ANKRD16: variants seen among roughly 807,000 people sequenced by gnomAD.
ANKRD16 encodes ankyrin repeat domain 16.
In ANKRD16, 35 loss-of-function variants were observed where a neutral mutation model predicts 37.9. The observed-to-expected ratio is 0.92, with a 90% CI of 0.71 to 1.23. The LOEUF (loss-of-function observed/expected upper bound fraction) is 1.23, where lower values mean the gene tolerates loss of function less well. Ranked by LOEUF, ANKRD16 falls within the 50% of genes most tolerant of loss-of-function variation. ANKRD16 has a pLI of 0.00. For synonymous variants in ANKRD16, 206 were observed against 197.2 expected (o/e 1.04, Z -0.37); for missense variants, 480 against 469.9 (o/e 1.02, Z -0.20).
chr10:5,872,702 G>C (rs532574520), intron 7 of ANKRD16, among the ~76,000 whole-genome samples: 1 of 150,262 alleles, frequency 6.7e-6, no homozygotes, highest in Admixed American at 6.7e-5. Flanking sequence ...GACTACAGGC[G>C]CCCGCCACCA....
rs146539188 is a variant in ANKRD16, at chr10:5,866,723, G to A, written c.*34-4032C>T. On this transcript the variant is annotated intron_variant, in intron 7 of 7. Transcript: ENST00000380094. This position sits in a 1 kb window ranked among gnomAD's most constrained non-coding sequence, Gnocchi z 4.3. ...GGGAAGGAGAGGGGAGAACAGCAGC[G>A]TAAGTGGCTGGCAGAGGCAGGGAAA... is the stretch of plus-strand genomic sequence containing the variant. Among the ~76,000 whole-genome samples, 3,978 of 152,238 alleles carry A rather than the reference G, an allele frequency of 0.026. 164 individuals are homozygous for A. Among genetic ancestry groups the A allele is most frequent in the African/African-American group, 0.09 (3,733 of 41,510 alleles).
At chr10:5,879,416 C>A (rs1261246535) in intron 6 of ANKRD16, among the ~76,000 whole-genome samples, 1 of 151,052 alleles carries the variant, frequency 6.6e-6, no homozygotes, top group Non-Finnish European at 1.5e-5. Context: ...TGCAGTGAGC[C>A]AAGATCGTGC....
intron 7 of ANKRD16, among the ~76,000 whole-genome samples, chr10:5,867,988 T>C (rs895137516): frequency 1.1e-4 from 17 of 152,194 alleles, no homozygotes; most frequent in Non-Finnish European, 8.8e-5. Flanking sequence ...TAGTACGAGA[T>C]GCCGCCTGGC....
In ANKRD16 at chr10:5,866,506, G is replaced by T. The variant is rs1051906553; in HGVS notation, c.*34-3815C>A. ...GAGCCTTAGAACTGGGAAAGGAAAGGAGAATAAATGTGTATACAGATAGCA... is the reference window on the plus strand; with the variant it reads ...GAGCCTTAGAACTGGGAAAGGAAAGTAGAATAAATGTGTATACAGATAGCA... On this transcript the variant is annotated intron_variant, in intron 7 of 7. Coordinates refer to ENST00000380094, the MANE Select transcript of ANKRD16 (RefSeq NM_019046.3). The surrounding 1 kb of genome is among the most constrained non-coding windows in gnomAD (Gnocchi z 4.3). Among the ~76,000 whole-genome samples the T allele has an allele frequency of 2.0e-5, 3 of 152,234 alleles. No individual in the cohort carries two copies. The highest frequency in any genetic ancestry group is 1.3e-4 in the Admixed American group (2 of 15,282).
In ANKRD16 at chr10:5,882,932, G is replaced by A; in HGVS notation, c.849+74C>T. 4.6e-6 allele frequency: 7 copies of A among 1,511,992 alleles called. No homozygotes were observed. In the South Asian group the frequency reaches 8.6e-5, roughly 19 times the overall value. 93.7% of individuals were successfully genotyped at this position (1,511,992 alleles called of 1,614,324 possible). The stretch of plus-strand genomic sequence containing the variant: ...ATAGAGATGGGGTCAAAGAAACCAG[G>A]CTGCAGAGCTACTGATCAAAGAAGT... On this transcript the variant is annotated intron_variant, in intron 5 of 7. Transcript: ENST00000380094.
chr10:5,883,101 C>T lies in ANKRD16; in HGVS notation c.754G>A (p.Asp252Asn). 2.5e-6 allele frequency: 4 copies of T among 1,614,126 alleles called. No individual in the cohort carries two copies. The highest frequency in any genetic ancestry group is 3.4e-6 in the Non-Finnish European group (4 of 1,180,026). ...GAGACCAAGAATCGGATGGCTTCGT[C>T]CTGCCCTGTGACAGCTGCCCTGTGC... The part of the protein sequence containing the change: ...ALHRAAVTGQ[D>N]EAIRFLVSEL... The change falls in exon 5 of 8, where the codon GAC (aspartate) becomes AAC (asparagine). Residue 252 changes from aspartate to asparagine, a missense_variant. Asp to Asn is a conservative substitution (Grantham distance 23). Coordinates refer to ENST00000380094, the MANE Select transcript of ANKRD16 (RefSeq NM_019046.3).
Position 5,887,856 on chromosome 10 carries a change from G to T in ANKRD16, c.526C>A (p.His176Asn). 9 of 1,613,274 alleles carry T rather than the reference G, an allele frequency of 5.6e-6. No homozygotes were observed. The highest frequency in any genetic ancestry group is 7.6e-6 in the Non-Finnish European group (9 of 1,179,848). ...GAGCTGTAGGCTGTACCTGCAGTATGCAGAGGAGTCCTTCTAATTTTGCTC... is the reference window on the plus strand; with the variant it reads ...GAGCTGTAGGCTGTACCTGCAGTATTCAGAGGAGTCCTTCTAATTTTGCTC... ...TESKIRRTPL[H>N]TAAMHGHLEA... Residue 176 changes from histidine (H) to asparagine (N), a missense_variant, in exon 2 of 8, where the codon CAT (histidine) becomes AAT (asparagine). Transcript: ENST00000380094.
chr10:5,887,091 G>C (rs1421485499), intron 2 of ANKRD16, among the ~76,000 whole-genome samples: 1 of 152,154 alleles, frequency 6.6e-6, no homozygotes, highest in Non-Finnish European at 1.5e-5. Flanking sequence ...TATGTGCCAA[G>C]CATTGTCTAA....
chr10:5,870,286 G>C lies in ANKRD16; in HGVS notation c.*34-7595C>G, dbSNP rs1842067151. ...GAGGCCCCCAGTGCACCTGCGCAGT[G>C]AGGTCAGCTTCGCAGGGGCCCCCAG... is the stretch of plus-strand genomic sequence containing the variant. On this transcript the variant is annotated intron_variant, in intron 7 of 7. Coordinates refer to ENST00000380094, the MANE Select transcript of ANKRD16 (RefSeq NM_019046.3). This position sits in a 1 kb window ranked among gnomAD's most constrained non-coding sequence, Gnocchi z 5.0. Among the ~76,000 whole-genome samples, 1 of 151,966 alleles carries C rather than the reference G, an allele frequency of 6.6e-6. No individual in the cohort carries two copies. The highest frequency in any genetic ancestry group is 1.5e-5 in the Non-Finnish European group (1 of 68,000).
In ANKRD16 at chr10:5,883,987, C is replaced by T. The variant is rs1842366855; in HGVS notation, c.669G>A (p.Leu223=). 1 of 1,613,938 alleles carries T rather than the reference C, an allele frequency of 6.2e-7. No homozygotes were observed. Among genetic ancestry groups the T allele is most frequent in the African/African-American group, 1.3e-5 (1 of 75,050 alleles). The part of the protein sequence containing the change: ...IQCGHIDVAR[L]LLDEHGACLS... ...TTTATACCCCATGTTCATCGAGGAG[C>T]AGCCTAGCGACGTCGATGTGCCCAC... The change falls in exon 4 of 8, where the codon CTG becomes CTA. Residue 223 remains leucine (L), a synonymous_variant. Transcript: ENST00000380094.
intron 7 of ANKRD16, among the ~76,000 whole-genome samples, chr10:5,867,556 TAAG>T (rs958865069): frequency 6.6e-6 from 1 of 152,196 alleles, no homozygotes; most frequent in African/African-American, 2.4e-5. Context: ...CCCAAACTTA[TAAG>T]GTTTTCAACA....
chr10:5,865,563 C>T lies in ANKRD16; in HGVS notation c.*34-2872G>A, dbSNP rs140555964. Among the ~76,000 whole-genome samples the T allele has an allele frequency of 1.8e-3, 272 of 152,334 alleles. No individual in the cohort carries two copies. The highest frequency in any genetic ancestry group is 6.2e-3 in the African/African-American group (258 of 41,574). Reference sequence around the variant, plus strand: ...CTCAGTGTTAATCTCCTGTCCCAGACAGCTGTCCTCAAGGTCTGTTACCAT... The same window carrying T: ...CTCAGTGTTAATCTCCTGTCCCAGATAGCTGTCCTCAAGGTCTGTTACCAT... On this transcript the variant is annotated intron_variant, in intron 7 of 7. Coordinates refer to ENST00000380094, the MANE Select transcript of ANKRD16 (RefSeq NM_019046.3). This position sits in a 1 kb window ranked among gnomAD's most constrained non-coding sequence, Gnocchi z 4.7.
At position 5,862,349 on chromosome 10, in the gene ANKRD16, A is replaced by G; in HGVS notation, c.*376T>C. The G allele has an allele frequency of 2.3e-6, 1 of 433,372 alleles. No individual in the cohort carries two copies. Among genetic ancestry groups the G allele is most frequent in the South Asian group, 1.6e-5 (1 of 61,000 alleles). 26.8% of individuals were successfully genotyped at this position (433,372 alleles called of 1,614,324 possible). Reference sequence around the variant, plus strand: ...TCTTTCTTTCTGTCGGTGGTTCCTGAGGGTTGTGACGATCAGGGCAGAGGC... The same window carrying G: ...TCTTTCTTTCTGTCGGTGGTTCCTGGGGGTTGTGACGATCAGGGCAGAGGC... On this transcript the variant is annotated 3_prime_UTR_variant, in exon 8 of 8. Transcript: ENST00000380094. The surrounding 1 kb of genome is among the most constrained non-coding windows in gnomAD (Gnocchi z 6.5).
rs1262785261 is a variant in ANKRD16, at chr10:5,864,496, T to C, written c.*34-1805A>G. ...ATATATCCTGATAGGTATATAGATG[T>C]CCCACAGGGTCCAGGGCAAACCTTC... On this transcript the variant is annotated intron_variant, in intron 7 of 7. Transcript: ENST00000380094. This position sits in a 1 kb window ranked among gnomAD's most constrained non-coding sequence, Gnocchi z 4.4. Among the ~76,000 whole-genome samples, 1 of 152,118 alleles carries C rather than the reference T, an allele frequency of 6.6e-6. No individual in the cohort carries two copies. Among genetic ancestry groups the C allele is most frequent in the Admixed American group, 6.5e-5 (1 of 15,270 alleles).
Position 5,885,746 on chromosome 10 carries a change from C to T in ANKRD16, c.555G>A (p.Glu185=). 2 of 1,606,656 alleles carry T rather than the reference C, an allele frequency of 1.2e-6. No homozygotes were observed. The highest frequency in any genetic ancestry group is 1.1e-5 in the South Asian group (1 of 88,828). Residue 185 remains glutamate, a synonymous_variant, in exon 3 of 8, where the codon GAG becomes GAA. Coordinates refer to ENST00000380094, the MANE Select transcript of ANKRD16 (RefSeq NM_019046.3). ...LHTAAMHGHL[E]AVKVLLKRCQ... ...ACCTCTTAAGAAGCACCTTGACTGC[C>T]TCCAAATGGCCATGCATTGCTGGGA...
rs1283111640 is a variant in ANKRD16 at position 5,871,714 on chromosome 10, AC to A, written c.*33+6382del. On this transcript the variant is annotated intron_variant, in intron 7 of 7. Transcript: ENST00000380094. This position sits in a 1 kb window ranked among gnomAD's most constrained non-coding sequence, Gnocchi z 4.5. The stretch of plus-strand genomic sequence containing the variant: ...AAGGGCTTCTAAGCCTACTTCCCAC[AC>A]CTTCCGAAGAGCCTTATCCCACAGA... Among the ~76,000 whole-genome samples the A allele has an allele frequency of 6.6e-6, 1 of 151,596 alleles. No individual in the cohort carries two copies. The highest frequency in any genetic ancestry group is 6.6e-5 in the Admixed American group (1 of 15,222).
At chr10:5,888,421 G>A (rs1264862007) in intron 1 of ANKRD16, among the ~76,000 whole-genome samples, 1 of 152,202 alleles carries the variant, frequency 6.6e-6, no homozygotes, top group African/African-American at 2.4e-5. Flanking sequence ...CCCCAGTGGG[G>A]AAGATGTACT....
rs71388490 is a variant in ANKRD16, at chr10:5,861,897, CTTTTTTTTTTTT to C, written c.*816_*827del. 4 of 129,958 alleles carry C rather than the reference CTTTTTTTTTTTT, an allele frequency of 3.1e-5. No individual in the cohort carries two copies. Among genetic ancestry groups the C allele is most frequent in the Admixed American group, 7.9e-5 (1 of 12,632 alleles). The allele number at this position is 129,958 out of a possible 1,614,324, so 8.1% of individuals were successfully genotyped here. ...ACAGACTGGGCAGGCCCCAGGAATT[CTTTTTTTTTTTT>C]TTTTTTTTTGGAGACGGAGTCTTGC... On this transcript the variant is annotated 3_prime_UTR_variant, in exon 8 of 8. Transcript: ENST00000380094.
rs1841989017 is a variant in ANKRD16, at chr10:5,864,625, A to G, written c.*34-1934T>C. 6.6e-6 allele frequency among the ~76,000 whole-genome samples: 1 copy of G among 152,128 alleles called. No individual in the cohort carries two copies. Among genetic ancestry groups the G allele is most frequent in the African/African-American group, 2.4e-5 (1 of 41,386 alleles). ...GCCCGAGAGTTTGGAGATACCTGGA[A>G]TCTTAGTCAAGTAAATGACAGAATG... On this transcript the variant is annotated intron_variant, in intron 7 of 7. Transcript: ENST00000380094. The surrounding 1 kb of genome is among the most constrained non-coding windows in gnomAD (Gnocchi z 4.4).
Sources: allele counts gnomAD v4.1 joint callset (sites outside exome capture counted in the v4.1 genomes callset), GRCh38; gene constraint gnomAD v4.1.1; non-coding constraint Gnocchi (gnomAD v3.1); transcripts MANE v1.5; gene names NCBI Gene and HGNC (gene_info 2026-07-23, HGNC 2026-07-21).